SUGCT: variants seen among roughly 807,000 people sequenced by gnomAD.
SUGCT encodes the protein succinyl-CoA:glutarate CoA-transferase.
A neutral mutation model predicts 55.0 loss-of-function variants in SUGCT; 41 were observed. The ratio of observed to expected loss-of-function variants is 0.74; its 90% confidence interval spans 0.58 to 0.97. The LOEUF (loss-of-function observed/expected upper bound fraction) is 0.97, where lower values mean the gene tolerates loss of function less well. Ranked by LOEUF, SUGCT falls within the 50% of genes least tolerant of loss-of-function variation. SUGCT has a pLI of 0.00. For missense variants in SUGCT, 568 were observed against 547.8 expected, an observed-to-expected ratio of 1.04 and a Z score of -0.37; for synonymous variants, 187 against 200.4, an observed-to-expected ratio of 0.93 and a Z score of 0.56.
intron 11 of SUGCT, among the ~76,000 whole-genome samples, chr7:40,472,087 A>G (rs1790430936): frequency 6.6e-6 from 1 of 152,162 alleles, no homozygotes; most frequent in East Asian, 1.9e-4. Context: ...ATACAGGTTC[A>G]TTCCCTGCTG....
intron 13 of SUGCT, among the ~76,000 whole-genome samples, chr7:40,755,089 G>A (rs1162951713): frequency 6.6e-6 from 1 of 152,054 alleles, no homozygotes; most frequent in African/African-American, 2.4e-5. Flanking sequence ...CCCCGAAGAG[G>A]GATCCAGAGG....
intron 9 of SUGCT, among the ~76,000 whole-genome samples, chr7:40,367,706 C>A (rs1784072135): frequency 6.6e-6 from 1 of 152,198 alleles, no homozygotes; most frequent in Admixed American, 6.5e-5. Flanking sequence ...AATCTCTCTT[C>A]TTATTTCCTC....
intron 12 of SUGCT, among the ~76,000 whole-genome samples, chr7:40,565,989 ACACG>A (rs1449255398): frequency 3.8e-4 from 36 of 93,524 alleles, no homozygotes; most frequent in East Asian, 2.4e-3. Context: ...ACACACACAC[ACACG>A]CACACACACA....
intron 9 of SUGCT, among the ~76,000 whole-genome samples, chr7:40,342,160 C>G (rs1272075100): frequency 2.6e-5 from 4 of 152,178 alleles, no homozygotes; most frequent in Admixed American, 2.6e-4. Flanking sequence ...CATCTTCTCT[C>G]CAACTCAGCC....
intron 12 of SUGCT, among the ~76,000 whole-genome samples, chr7:40,672,471 A>G (rs767894601): frequency 2.0e-5 from 3 of 152,340 alleles, no homozygotes; most frequent in East Asian, 1.9e-4. Flanking sequence ...TAGGTTACAT[A>G]TGATAAGATT....
intron 8 of SUGCT, among the ~76,000 whole-genome samples, chr7:40,295,279 T>C (rs1321997170): frequency 6.6e-6 from 1 of 152,058 alleles, no homozygotes; most frequent in Admixed American, 6.6e-5. Context: ...AAAAATTACA[T>C]TTAAAGAACT....
chr7:40,612,244 ATATG>A (rs1798801463), intron 12 of SUGCT, among the ~76,000 whole-genome samples: 1 of 152,198 alleles, frequency 6.6e-6, no homozygotes, highest in Non-Finnish European at 1.5e-5. Context: ...TGAGAATTAA[ATATG>A]TTCATCTATG....
intron 9 of SUGCT, among the ~76,000 whole-genome samples, chr7:40,337,415 T>C (rs540535881): frequency 1.2e-3 from 190 of 152,352 alleles, no homozygotes; most frequent in South Asian, 9.9e-3. Context: ...GGACTTGTTT[T>C]ATGAATCTGG....
At chr7:40,945,598 A>G in the SUGCT span, among the ~76,000 whole-genome samples, 1 of 152,174 alleles carries the variant, frequency 6.6e-6, no homozygotes, top group Non-Finnish European at 1.5e-5. Context: ...CTGTTGGGGT[A>G]GAACTGTAGG....
intron 6 of SUGCT, among the ~76,000 whole-genome samples, chr7:40,227,249 A>G (rs1788431551): frequency 6.6e-6 from 1 of 151,818 alleles, no homozygotes; most frequent in South Asian, 2.1e-4. Flanking sequence ...GGATTTCACC[A>G]TGTTGGCCAG....
chr7:40,805,435 A>G (rs529489237), intron 13 of SUGCT, among the ~76,000 whole-genome samples: 6 of 152,300 alleles, frequency 3.9e-5, no homozygotes, highest in Non-Finnish European at 5.9e-5. Flanking sequence ...TACATGTAAC[A>G]TAATGTTTGG....
chr7:40,367,277 A>AGGGGGGG (rs1280445057), intron 9 of SUGCT, among the ~76,000 whole-genome samples: 1 of 78,832 alleles, frequency 1.3e-5, no homozygotes, highest in Admixed American at 1.6e-4. Flanking sequence ...GGGTGGGGGG[A>AGGGGGGG]GGGGGGGAGG....
At chr7:40,351,982 G>T (rs1238062247) in intron 9 of SUGCT, among the ~76,000 whole-genome samples, 1 of 152,180 alleles carries the variant, frequency 6.6e-6, no homozygotes, top group Non-Finnish European at 1.5e-5. Context: ...GTGTTGCTGG[G>T]CATTAAGAGT....
rs111445022 is a variant in SUGCT at position 40,210,565 on chromosome 7, T to C, written c.484+15505T>C. Among the ~76,000 whole-genome samples, 503 of 152,200 alleles carry C rather than the reference T, an allele frequency of 3.3e-3. 6 individuals carry two copies. The highest frequency in any genetic ancestry group is 0.011 in the African/African-American group (454 of 41,524). ...AGAAATAGCACTCGAATATAAAATTTTCTTTTCAATTCTCAGCAAGGCAAG... is the reference window on the plus strand; with the variant it reads ...AGAAATAGCACTCGAATATAAAATTCTCTTTTCAATTCTCAGCAAGGCAAG... On this transcript the variant is annotated intron_variant, in intron 6 of 13. Transcript: ENST00000335693.
At chr7:40,188,463 C>T in intron 3 of SUGCT, 32 bp from the exon 4 acceptor site, 5 of 1,414,840 alleles carry the variant, frequency 3.5e-6, no homozygotes, top group Non-Finnish European at 4.8e-6. Context: ...AAACAAACCC[C>T]AAAGATTAAT....
chr7:40,244,369 G>A lies in SUGCT; in HGVS notation c.576+6643G>A, dbSNP rs114471435. 4.2e-3 allele frequency among the ~76,000 whole-genome samples: 633 copies of A among 152,154 alleles called. 6 individuals are homozygous for A. Among genetic ancestry groups the A allele is most frequent in the African/African-American group, 0.015 (610 of 41,514 alleles). Reference sequence around the variant, plus strand: ...GCAGAGAAGCAGGAAGGAATCAGGCGGTCTTAGGGAAAACAATAGGCCAGT... The same window carrying A: ...GCAGAGAAGCAGGAAGGAATCAGGCAGTCTTAGGGAAAACAATAGGCCAGT... On this transcript the variant is annotated intron_variant, in intron 7 of 13. Transcript: ENST00000335693.
intron 13 of SUGCT, among the ~76,000 whole-genome samples, chr7:40,856,752 T>C (rs1284825019): frequency 6.6e-6 from 1 of 152,154 alleles, no homozygotes; most frequent in East Asian, 1.9e-4. Flanking sequence ...ATTTTTAAAG[T>C]GGGATTTCTC....
intron 9 of SUGCT, among the ~76,000 whole-genome samples, chr7:40,399,479 A>G (rs1171797703): frequency 1.3e-5 from 2 of 152,168 alleles, no homozygotes; most frequent in African/African-American, 4.8e-5. Flanking sequence ...TTCATGGTTC[A>G]ATGTCACTAG....
At chr7:40,804,976 G>A (rs1321493844) in intron 13 of SUGCT, among the ~76,000 whole-genome samples, 1 of 152,148 alleles carries the variant, frequency 6.6e-6, no homozygotes, top group Non-Finnish European at 1.5e-5. Context: ...CCAGGATCCT[G>A]CGTTTTCCCT....
Sources: allele counts gnomAD v4.1 joint callset (sites outside exome capture counted in the v4.1 genomes callset), GRCh38; gene constraint gnomAD v4.1.1; transcripts MANE v1.5; gene names NCBI Gene and HGNC (gene_info 2026-07-23, HGNC 2026-07-21).